The following ESRRG variants were observed in gnomAD, a reference collection of about 807,000 sequenced individuals.
ESRRG encodes the protein estrogen related receptor gamma.
A neutral mutation model predicts 44.0 loss-of-function variants in ESRRG; 13 were observed. The observed-to-expected ratio is 0.30, with a 90% CI of 0.19 to 0.47. The LOEUF is 0.47. Among genes scored for constraint, ESRRG ranks in the 20% least tolerant of loss-of-function variants. The pLI is 1.00. For synonymous variants in ESRRG, 215 were observed against 214.6 expected (o/e 1.00, Z -0.02); for missense variants, 395 against 580.6 (o/e 0.68, Z 3.29).
At position 216,700,135 on chromosome 1, in the gene ESRRG, T is replaced by TA. The variant is rs397805240; in HGVS notation, c.57-22645dup. Among the ~76,000 whole-genome samples, 230 of 151,402 alleles carry TA rather than the reference T, an allele frequency of 1.5e-3. 1 individual carries two copies. Among genetic ancestry groups the TA allele is most frequent in the Non-Finnish European group, 2.3e-3 (158 of 67,758 alleles). On this transcript the variant is annotated intron_variant, in intron 1 of 6. Transcript: ENST00000408911. ...CCGCAGCCCCGCACCTTTTTTTTTT[T>TA]AACCTCACTAGCTTAGATACCTCGC...
rs1054666664 is a variant in ESRRG, at chr1:216,615,781, A to C, written c.589+35192T>G. Among the ~76,000 whole-genome samples, 102 of 134,762 alleles carry C rather than the reference A, an allele frequency of 7.6e-4. 5 individuals carry two copies. The highest frequency in any genetic ancestry group is 3.1e-5 in the Non-Finnish European group (2 of 65,236). 88.4% of individuals were successfully genotyped at this position (134,762 alleles called of 152,430 possible). A position where few individuals can be genotyped will look rare whatever the true frequency, so the allele number is the denominator to read the frequency against. On this transcript the variant is annotated intron_variant, in intron 3 of 6. Coordinates refer to ENST00000408911, the MANE Select transcript of ESRRG (RefSeq NM_001438.4). ...GAGATGGAGTCTCACTCTGTCGCCC[A>C]GGCTCAAGAGATTCTCCTGACTCAG...
At chr1:216,550,717 T>A (rs2056052236) in intron 5 of ESRRG, among the ~76,000 whole-genome samples, 1 of 152,170 alleles carries the variant, frequency 6.6e-6, no homozygotes, top group Non-Finnish European at 1.5e-5. Flanking sequence ...CAGTTCTATA[T>A]TCCCATATTA....
chr1:216,773,492 T>C (rs987183175), intron 2 of ESRRG, among the ~76,000 whole-genome samples: 8 of 152,102 alleles, frequency 5.3e-5, no homozygotes, highest in Non-Finnish European at 1.0e-4. Context: ...TTGAAAAAAT[T>C]GTCAATTGTA....
At chr1:217,123,868 C>T (rs1166341) in intron 1 of ESRRG, among the ~76,000 whole-genome samples, 149,511 of 152,242 alleles carry the variant, frequency 0.98, 73,475 homozygotes, top group Middle Eastern at 1. Flanking sequence ...CGCTCACCTA[C>T]GTAACAAACC....
intron 2 of ESRRG, among the ~76,000 whole-genome samples, chr1:216,778,335 G>C (rs1376550890): frequency 6.6e-6 from 1 of 152,032 alleles, no homozygotes; most frequent in African/African-American, 2.4e-5. Flanking sequence ...CCTCTACTTA[G>C]ATCAGTCATT....
At chr1:216,844,669 G>A (rs1164403147) in intron 2 of ESRRG, among the ~76,000 whole-genome samples, 9 of 152,200 alleles carry the variant, frequency 5.9e-5, no homozygotes, top group African/African-American at 2.2e-4. Flanking sequence ...AGAGTTCCCT[G>A]ACTCTGCTAT....
intron 3 of ESRRG, among the ~76,000 whole-genome samples, chr1:216,649,863 C>T (rs115177065): frequency 8.3e-4 from 126 of 152,172 alleles, no homozygotes; most frequent in African/African-American, 2.9e-3. Flanking sequence ...AAAATTATGA[C>T]ACCACGTGAT....
chr1:216,678,051 C>T (rs537404475), intron 1 of ESRRG, among the ~76,000 whole-genome samples: 55 of 152,308 alleles, frequency 3.6e-4, no homozygotes, highest in African/African-American at 7.2e-4. Flanking sequence ...TTTGTCAGCA[C>T]GCTTCCATAA....
In ESRRG at chr1:216,650,945, C is replaced by T. The variant is rs1249381396; in HGVS notation, c.589+28G>A. The T allele has an allele frequency of 6.2e-6, 9 of 1,444,342 alleles. No homozygotes were observed. The Admixed American group carries it at 6.7e-5, about 11-fold the overall frequency. 89.5% of individuals were successfully genotyped at this position (1,444,342 alleles called of 1,614,324 possible). A position where few individuals can be genotyped will look rare whatever the true frequency, so the allele number is the denominator to read the frequency against. On this transcript the variant is annotated intron_variant, in intron 3 of 6. Transcript: ENST00000408911. ...TCCCATCCCCACAGCAAAATCAAAA[C>T]CTCAGGGGCACTAGCAAAGAGCCTT...
chr1:216,645,960 G>A (rs923873054), intron 3 of ESRRG, among the ~76,000 whole-genome samples: 3 of 148,786 alleles, frequency 2.0e-5, no homozygotes, highest in Non-Finnish European at 4.5e-5. Context: ...ATTTTAAAAT[G>A]TGTGCCACTT....
intron 2 of ESRRG, among the ~76,000 whole-genome samples, chr1:216,913,624 G>A (rs987375221): frequency 1.8e-4 from 28 of 152,166 alleles, no homozygotes; most frequent in South Asian, 6.2e-4. Flanking sequence ...CTCACTCTAC[G>A]GCCCTTGCCG....
chr1:216,844,468 C>T lies in ESRRG; in HGVS notation c.-14+95114G>A, dbSNP rs181276092. On this transcript the variant is annotated intron_variant, in intron 2 of 7. Coordinates refer to the ESRRG transcript ENST00000359162. ...ACTTGAGTCTAAAAGGTCCTACGTG[C>T]TCTTCCTGCTCAGCTCTGATGTCAT... Among the ~76,000 whole-genome samples the T allele has an allele frequency of 3.1e-4, 47 of 152,162 alleles. 1 individual carries two copies. The highest frequency in any genetic ancestry group is 1.5e-5 in the Non-Finnish European group (1 of 68,008).
At chr1:216,671,039 G>T (rs768820951) in intron 2 of ESRRG, among the ~76,000 whole-genome samples, 2 of 152,116 alleles carry the variant, frequency 1.3e-5, no homozygotes, top group African/African-American at 4.8e-5. Flanking sequence ...CAGTATTTGG[G>T]TGCTTGCTGT....
intron 3 of ESRRG, among the ~76,000 whole-genome samples, chr1:216,578,115 C>T (rs187027274): frequency 7.2e-4 from 109 of 151,882 alleles, no homozygotes; most frequent in African/African-American, 2.5e-3. Context: ...TCTAGTATAA[C>T]GAATATGGTA....
chr1:216,783,573 A>T (rs567773897), intron 2 of ESRRG, among the ~76,000 whole-genome samples: 2 of 152,044 alleles, frequency 1.3e-5, no homozygotes, highest in African/African-American at 2.4e-5. Context: ...TCGTGCTAAA[A>T]GACTAGTTGC....
At chr1:216,560,851 G>A (rs1459063534) in intron 5 of ESRRG, among the ~76,000 whole-genome samples, 1 of 152,124 alleles carries the variant, frequency 6.6e-6, no homozygotes, top group Non-Finnish European at 1.5e-5. Flanking sequence ...AATTGAAAGA[G>A]AAATAAAAAA....
chr1:217,091,193 G>A (rs963703810), upstream of ESRRG, among the ~76,000 whole-genome samples: 4 of 151,962 alleles, frequency 2.6e-5, no homozygotes, highest in Admixed American at 1.3e-4. Flanking sequence ...TATTTTCACC[G>A]AGCCTGTAGT....
chr1:216,975,278 A>G (rs1578922847), intron 1 of ESRRG, among the ~76,000 whole-genome samples: 1 of 152,340 alleles, frequency 6.6e-6, no homozygotes, highest in East Asian at 1.9e-4. Flanking sequence ...TCTTCTTTCA[A>G]TGTCCTCTCT....
chr1:216,652,886 C>A (rs556298544), intron 2 of ESRRG, among the ~76,000 whole-genome samples: 1 of 151,984 alleles, frequency 6.6e-6, no homozygotes, highest in African/African-American at 2.4e-5. Context: ...CCACCCTGTT[C>A]GGCTCCCCCT....
Sources: gnomAD v4.1 joint callset for allele counts (sites outside exome capture counted in the v4.1 genomes callset) on GRCh38, gnomAD v4.1.1 for gene constraint, MANE v1.5 for transcripts, NCBI Gene and HGNC (gene_info 2026-07-23, HGNC 2026-07-21) for gene names.